CDH23: variants seen among roughly 807,000 people sequenced by gnomAD.
The protein encoded by CDH23 is cadherin related 23.
In CDH23, 189 loss-of-function variants were observed where a neutral mutation model predicts 317.1. That is an observed-to-expected ratio of 0.60 (90% CI 0.53 to 0.67). The LOEUF (loss-of-function observed/expected upper bound fraction) is 0.67, where lower values mean the gene tolerates loss of function less well. Ranked by LOEUF, CDH23 falls within the 30% of genes least tolerant of loss-of-function variation. CDH23 has a pLI of 0.00. For synonymous variants in CDH23, 1,839 were observed against 1,876.8 expected, an observed-to-expected ratio of 0.98 and a Z score of 0.52; for missense variants, 4,401 against 4,592.4, an observed-to-expected ratio of 0.96 and a Z score of 1.20.
intron 38 of CDH23, among the ~76,000 whole-genome samples, chr10:71,776,837 A>G (rs968927653): frequency 6.6e-6 from 1 of 152,236 alleles, no homozygotes; most frequent in African/African-American, 2.4e-5. Flanking sequence ...AGGGCCTCCC[A>G]TTGGCCACAC....
chr10:71,610,027 C>T (rs527795588), intron 9 of CDH23, among the ~76,000 whole-genome samples: 43 of 147,384 alleles, frequency 2.9e-4, no homozygotes, highest in African/African-American at 9.0e-4. Flanking sequence ...GAGAGAGAGA[C>T]GGAGTCTCAC....
chr10:71,513,556 T>C (rs1430883555), intron 6 of CDH23, among the ~76,000 whole-genome samples: 1 of 152,158 alleles, frequency 6.6e-6, no homozygotes, highest in Non-Finnish European at 1.5e-5. Flanking sequence ...CAGACCCTGT[T>C]AGGTGTGAAT....
At chr10:71,471,375 T>C (rs575007694) in intron 3 of CDH23, among the ~76,000 whole-genome samples, 1 of 152,316 alleles carries the variant, frequency 6.6e-6, no homozygotes, top group East Asian at 1.9e-4. Context: ...TGGAACTGTG[T>C]TCCTCAGGGA....
At chr10:71,635,667 T>C in intron 11 of CDH23, among the ~76,000 whole-genome samples, 1 of 138,680 alleles carries the variant, frequency 7.2e-6, no homozygotes, top group Non-Finnish European at 1.6e-5. Context: ...GAGGGAGAGA[T>C]TGGAAAGAGG....
chr10:71,486,254 A>G (rs1171033645), intron 3 of CDH23, among the ~76,000 whole-genome samples: 1 of 152,088 alleles, frequency 6.6e-6, no homozygotes, highest in Non-Finnish European at 1.5e-5. Context: ...GGATGTTTTG[A>G]TGTGAATTAC....
chr10:71,590,897 C>CAAAA (rs1242410489), intron 9 of CDH23, among the ~76,000 whole-genome samples: 5 of 72,236 alleles, frequency 6.9e-5, no homozygotes, highest in Admixed American at 4.7e-4. Context: ...CAAAAAAAAA[C>CAAAA]AAAAAAAAAC....
chr10:71,515,409 C>T (rs925822642), intron 6 of CDH23, among the ~76,000 whole-genome samples: 1 of 151,860 alleles, frequency 6.6e-6, no homozygotes, highest in African/African-American at 2.4e-5. Flanking sequence ...CACACACACA[C>T]ACACACACAC....
chr10:71,706,462 A>G (rs1485972851), intron 25 of CDH23, among the ~76,000 whole-genome samples: 4 of 152,042 alleles, frequency 2.6e-5, no homozygotes, highest in Non-Finnish European at 5.9e-5. Context: ...CCCACCTCCT[A>G]GGGTGCTCAG....
chr10:71,587,865 G>A (rs189592688), intron 9 of CDH23, among the ~76,000 whole-genome samples: 1 of 152,310 alleles, frequency 6.6e-6, no homozygotes, highest in East Asian at 1.9e-4. Context: ...TTGATACCTG[G>A]TGCAAGGTTA....
At position 71,500,959 on chromosome 10, in the gene CDH23, T is replaced by C. The variant is rs565876739; in HGVS notation, c.146-9123T>C. Among the ~76,000 whole-genome samples, 143 of 152,186 alleles carry C rather than the reference T, an allele frequency of 9.4e-4. 1 individual carries two copies. Among genetic ancestry groups the C allele is most frequent in the African/African-American group, 3.4e-3 (141 of 41,496 alleles). The stretch of plus-strand genomic sequence containing the variant: ...ATCTTGGCTCACTGTGACCTCTGCC[T>C]CCTGGGCTCTAGCAATTCTCCTGCC... On this transcript the variant is annotated intron_variant, in intron 3 of 69. Coordinates refer to ENST00000224721, the MANE Select transcript of CDH23 (RefSeq NM_022124.6).
chr10:71,757,235 T>C (rs1030301031), intron 38 of CDH23, among the ~76,000 whole-genome samples: 2 of 152,230 alleles, frequency 1.3e-5, no homozygotes, highest in South Asian at 2.1e-4. Context: ...CTTTGCCAGG[T>C]GCTCATTGAT....
chr10:71,616,249 C>T (rs1428449517), intron 10 of CDH23, among the ~76,000 whole-genome samples: 6 of 152,216 alleles, frequency 3.9e-5, no homozygotes, highest in African/African-American at 9.6e-5. Flanking sequence ...GGCCATCAGC[C>T]GTTGATTGAG....
intron 9 of CDH23, among the ~76,000 whole-genome samples, chr10:71,604,213 T>C (rs1860398766): frequency 6.6e-6 from 1 of 152,126 alleles, no homozygotes; most frequent in Non-Finnish European, 1.5e-5. Flanking sequence ...GCCCAGGAGT[T>C]TGAGGCTGCA....
rs549596367 is a variant in CDH23, at chr10:71,804,553, G to A, written c.7872+1133G>A. On this transcript the variant is annotated intron_variant, in intron 55 of 69. Coordinates refer to ENST00000224721, the MANE Select transcript of CDH23 (RefSeq NM_022124.6). The stretch of plus-strand genomic sequence containing the variant: ...CACTCTGTCTCCTCTTTGAGGTCCT[G>A]CGGGAGAAAACTCTCCCAAGGCTAA... Among the ~76,000 whole-genome samples the A allele has an allele frequency of 3.3e-5, 5 of 152,296 alleles. No homozygotes were observed. In the South Asian group the frequency reaches 1.0e-3, roughly 32 times the overall value.
chr10:71,744,139 A>G (rs1839799930), intron 38 of CDH23, among the ~76,000 whole-genome samples: 1 of 152,150 alleles, frequency 6.6e-6, no homozygotes, highest in Admixed American at 6.5e-5. Flanking sequence ...TGGTCAGCAT[A>G]TTACTTGGGG....
intron 16 of CDH23, among the ~76,000 whole-genome samples, chr10:71,679,008 G>A (rs4747182): frequency 0.033 from 5,086 of 152,172 alleles, 250 homozygotes; most frequent in East Asian, 0.2. Context: ...AACCGGCTCC[G>A]GGAGTCAGGG....
At chr10:71,786,592 G>A (rs1841114331) in intron 44 of CDH23, among the ~76,000 whole-genome samples, 1 of 145,692 alleles carries the variant, frequency 6.9e-6, no homozygotes, top group Non-Finnish European at 1.5e-5. Flanking sequence ...CCACCTCCCA[G>A]GTTCAAGCGA....
chr10:71,751,709 A>G lies in CDH23; in HGVS notation c.4845+9788A>G, dbSNP rs1040437072. On this transcript the variant is annotated intron_variant, in intron 38 of 69. Transcript: ENST00000224721. This position sits in a 1 kb window ranked among gnomAD's most constrained non-coding sequence, Gnocchi z 4.9. ...GACGTCTCCGGGGCCTGGAGGAGAC[A>G]GGGGGGTGCTGGGCTCCGAAAGCAG... 4 of 1,568,718 alleles carry G rather than the reference A, an allele frequency of 2.5e-6. No individual in the cohort carries two copies. Among genetic ancestry groups the G allele is most frequent in the Middle Eastern group, 2.0e-4 (1 of 4,958 alleles).
chr10:71,769,074 C>T (rs1441381596), intron 38 of CDH23, among the ~76,000 whole-genome samples: 1 of 152,198 alleles, frequency 6.6e-6, no homozygotes, highest in African/African-American at 2.4e-5. Context: ...GAAAGCCCAG[C>T]TTGCCTGGCC....
Sources: gnomAD v4.1 joint callset for allele counts (sites outside exome capture counted in the v4.1 genomes callset) on GRCh38, gnomAD v4.1.1 for gene constraint, Gnocchi (gnomAD v3.1) non-coding constraint, MANE v1.5 for transcripts, NCBI Gene and HGNC (gene_info 2026-07-23, HGNC 2026-07-21) for gene names.